SYNE1: variants seen among roughly 807,000 people sequenced by gnomAD.
The protein encoded by SYNE1 is nesprin-1.
A neutral mutation model predicts 1,111.0 loss-of-function variants in SYNE1; 616 were observed. The observed-to-expected ratio is 0.55, with a 90% CI of 0.52 to 0.59. The LOEUF is 0.59. Among genes scored for constraint, SYNE1 ranks in the 20% least tolerant of loss-of-function variants. SYNE1 has a pLI of 0.00. For synonymous variants in SYNE1, 3,855 were observed against 3,825.8 expected, an observed-to-expected ratio of 1.01 and a Z score of -0.28; for missense variants, 10,006 against 10,417.0, an observed-to-expected ratio of 0.96 and a Z score of 1.72.
At chr6:152,601,847 C>G (rs1024784248) in intron 3 of SYNE1, among the ~76,000 whole-genome samples, 1 of 152,118 alleles carries the variant, frequency 6.6e-6, no homozygotes, top group Admixed American at 6.5e-5. Context: ...TTACTGATTC[C>G]ATATACTCAG....
intron 4 of SYNE1, among the ~76,000 whole-genome samples, chr6:152,535,919 C>A (rs2154363119): frequency 6.6e-6 from 1 of 152,184 alleles, no homozygotes. Flanking sequence ...CGTAACATAA[C>A]TTCTTTGCCT....
chr6:152,596,552 G>T (rs185181611), intron 3 of SYNE1, among the ~76,000 whole-genome samples: 1 of 152,166 alleles, frequency 6.6e-6, no homozygotes, highest in Non-Finnish European at 1.5e-5. Flanking sequence ...CAGTGTGCCC[G>T]GCCAAGTTAT....
chr6:152,497,036 T>C (rs1380261099), intron 11 of SYNE1, among the ~76,000 whole-genome samples: 1 of 152,096 alleles, frequency 6.6e-6, no homozygotes, highest in Non-Finnish European at 1.5e-5. Context: ...CCAAATCCTA[T>C]AAAACTGCCC....
chr6:152,528,672 A>T (rs890367783), intron 4 of SYNE1, among the ~76,000 whole-genome samples: 10 of 152,214 alleles, frequency 6.6e-5, no homozygotes, highest in Admixed American at 1.3e-4. Context: ...GAAAATAAAG[A>T]TGTGACTTGA....
chr6:152,440,952 G>C (rs914962562), intron 32 of SYNE1, among the ~76,000 whole-genome samples, 178 bp downstream of exon 32: 1 of 152,098 alleles, frequency 6.6e-6, no homozygotes, highest in African/African-American at 2.4e-5. Flanking sequence ...TTTACTTCTT[G>C]ATGTTTAATC....
At chr6:152,220,448 T>C (rs888113211) in intron 119 of SYNE1, among the ~76,000 whole-genome samples, 1 of 152,200 alleles carries the variant, frequency 6.6e-6, no homozygotes, top group Non-Finnish European at 1.5e-5. Context: ...GAAACTATTG[T>C]GTAGATGCTT....
intron 80 of SYNE1, 31 bp downstream of exon 80, chr6:152,325,927 G>T (rs1375881072): frequency 6.2e-7 from 1 of 1,613,550 alleles, no homozygotes; most frequent in Non-Finnish European, 8.5e-7. Flanking sequence ...TATAGAAAAA[G>T]GATTTTTTTT....
rs773315032 is a variant in SYNE1 at position 152,255,074 on chromosome 6, T to G, written c.19276A>C (p.Ile6426Leu). 54 of 1,598,870 alleles carry G rather than the reference T, an allele frequency of 3.4e-5. No individual in the cohort carries two copies. Among genetic ancestry groups the G allele is most frequent in the Non-Finnish European group, 4.4e-5 (51 of 1,170,640 alleles). Residue 6426 changes from isoleucine (I) to leucine (L), a missense_variant, in exon 104 of 146, where the codon ATT becomes CTT. This residue lies in a region of SYNE1 where 2,182 missense variants were observed against 2,287.8 expected (regional missense o/e 0.95). Coordinates refer to ENST00000367255, the MANE Select transcript of SYNE1 (RefSeq NM_182961.4). Reference protein sequence around the residue: ...LFNQEILAKDIKEMSEEMDKN... With the variant: ...LFNQEILAKDLKEMSEEMDKN... ...TCCATTTCTTCAGACATTTCCTTAA[T>G]GTCTTTGGCAAGAATCTAGAGGTGA... is the stretch of plus-strand genomic sequence containing the variant.
chr6:152,392,564 AT>A lies in SYNE1; in HGVS notation c.7713-997del, dbSNP rs2097661714. Among the ~76,000 whole-genome samples, 7 of 152,306 alleles carry A rather than the reference AT, an allele frequency of 4.6e-5. No homozygotes were observed. In the South Asian group the frequency reaches 1.5e-3, roughly 32 times the overall value. On this transcript the variant is annotated intron_variant, in intron 51 of 145. Transcript: ENST00000367255. ...CTCTCGTGGAAACTGAATGTTTCAA[AT>A]TTTTTTGGAGTGGCTGTTATGCAAA... is the stretch of plus-strand genomic sequence containing the variant.
chr6:152,518,524 C>T (rs936251047), intron 6 of SYNE1, among the ~76,000 whole-genome samples: 1 of 152,066 alleles, frequency 6.6e-6, no homozygotes, highest in Non-Finnish European at 1.5e-5. Flanking sequence ...CCTGAGGCCT[C>T]TCCGGAAACT....
chr6:152,383,707 A>G (rs1325037269), intron 55 of SYNE1, among the ~76,000 whole-genome samples: 3 of 152,056 alleles, frequency 2.0e-5, no homozygotes, highest in African/African-American at 7.3e-5. Flanking sequence ...TCTTGGTTTT[A>G]TCTGTTTTAG....
At chr6:152,367,070 A>AC in intron 62 of SYNE1, 148 bp downstream of exon 62, 1 of 972,226 alleles carries the variant, frequency 1.0e-6, no homozygotes, top group East Asian at 2.4e-5. Context: ...TGGCATGTGC[A>AC]CCCAAGGCAG....
chr6:152,355,025 G>T, intron 66 of SYNE1, 49 bp from the exon 67 acceptor site: 1 of 1,598,508 alleles, frequency 6.3e-7, no homozygotes, highest in Non-Finnish European at 8.5e-7. Context: ...TTTCACACTT[G>T]CATGGGTTAG....
chr6:152,177,209 C>T (rs1490678798), intron 129 of SYNE1, among the ~76,000 whole-genome samples: 1 of 152,168 alleles, frequency 6.6e-6, no homozygotes, highest in Non-Finnish European at 1.5e-5. Flanking sequence ...TACTCACTTT[C>T]TGTGCTAGCT....
rs766885168 is a variant in SYNE1 at position 152,331,490 on chromosome 6, T to A, written c.13195A>T (p.Met4399Leu). ...AICSELEAKQ[M>L]LLKSLIKDAD... ...TCCTTTATAAGCGATTTCAGGAGCA[T>A]CTGCTTGGCCTCCAGTTCACTGCAG... is the stretch of plus-strand genomic sequence containing the variant. Residue 4399 changes from methionine to leucine, a missense_variant, in exon 78 of 146, where the codon ATG (methionine) becomes TTG (leucine). Transcript: ENST00000367255. 11 of 1,614,094 alleles carry A rather than the reference T, an allele frequency of 6.8e-6. No individual in the cohort carries two copies. The highest frequency in any genetic ancestry group is 5.0e-5 in the Admixed American group (3 of 60,016).
Position 152,433,905 on chromosome 6 carries a change from A to C in SYNE1, c.4351T>G (p.Phe1451Val), listed in dbSNP as rs1226158346. ...MEMVKTKWDH[F>V]GSNFETLSVW... ...GACAGAGTCTCAAAATTACTGCCAA[A>C]ATGATCCCACTTGGTTTTCACCATT... The change falls in exon 34 of 146, where the codon TTT becomes GTT. Residue 1451 changes from phenylalanine to valine, a missense_variant. Transcript: ENST00000367255. 6.2e-7 allele frequency: 1 copy of C among 1,613,764 alleles called. No individual in the cohort carries two copies. The highest frequency in any genetic ancestry group is 2.2e-5 in the East Asian group (1 of 44,868).
chr6:152,506,990 T>A (rs1430327277), intron 8 of SYNE1, among the ~76,000 whole-genome samples: 1 of 152,186 alleles, frequency 6.6e-6, no homozygotes, highest in East Asian at 1.9e-4. Flanking sequence ...ATTGGCTTCA[T>A]CAATAAATAT....
intron 98 of SYNE1, among the ~76,000 whole-genome samples, chr6:152,271,971 G>A (rs6924217): frequency 0.12 from 17,907 of 152,248 alleles, 1,104 homozygotes; most frequent in Non-Finnish European, 0.13. Flanking sequence ...TTCTACACCA[G>A]TTACTATGGT....
chr6:152,623,454 C>A (rs2128931304), intron 3 of SYNE1, among the ~76,000 whole-genome samples: 1 of 152,184 alleles, frequency 6.6e-6, no homozygotes, highest in Non-Finnish European at 1.5e-5. Context: ...ATTCATGACA[C>A]AGGCACAGAC....
Sources: gnomAD v4.1 joint callset for allele counts (sites outside exome capture counted in the v4.1 genomes callset) on GRCh38, gnomAD v4.1.1 for gene constraint, gnomAD v4.1.1 regional missense constraint, MANE v1.5 for transcripts, NCBI Gene and HGNC (gene_info 2026-07-23, HGNC 2026-07-21) for gene names.